The following SPATA13 variants were observed in gnomAD, a reference collection of about 807,000 sequenced individuals.
The protein encoded by SPATA13 is spermatogenesis associated 13.
SPATA13 carries 50 observed loss-of-function variants against 104.0 expected under a neutral mutation model. The observed-to-expected ratio is 0.48, with a 90% CI of 0.38 to 0.61. SPATA13 has a LOEUF of 0.61. Among genes scored for constraint, SPATA13 ranks in the 20% least tolerant of loss-of-function variants. SPATA13 has a pLI of 0.00. For synonymous variants in SPATA13, 606 were observed against 667.5 expected (o/e 0.91, Z 1.42); for missense variants, 1,524 against 1,690.6 (o/e 0.90, Z 1.73).
At chr13:24,221,752 C>T (rs910110990) in intron 1 of SPATA13, among the ~76,000 whole-genome samples, 3 of 150,090 alleles carry the variant, frequency 2.0e-5, no homozygotes, top group East Asian at 3.9e-4. Context: ...TGTCAGGGCA[C>T]GTGGGAAGAG....
intron 3 of SPATA13, among the ~76,000 whole-genome samples, chr13:24,135,164 T>C (rs892531697): frequency 1.3e-5 from 2 of 152,146 alleles, no homozygotes; most frequent in Non-Finnish European, 2.9e-5. Context: ...ATAAGCCACC[T>C]AGCTCGTGAT....
chr13:24,017,505 G>A (rs1255946157), intron 2 of SPATA13, among the ~76,000 whole-genome samples: 1 of 152,108 alleles, frequency 6.6e-6, no homozygotes, highest in Non-Finnish European at 1.5e-5. Flanking sequence ...GTTTGTATGT[G>A]TATATATGTA....
At chr13:24,029,563 A>G (rs779532716) in intron 3 of SPATA13, among the ~76,000 whole-genome samples, 1 of 152,222 alleles carries the variant, frequency 6.6e-6, no homozygotes, top group African/African-American at 2.4e-5. Context: ...TTTTAAATAT[A>G]TATTAACATA....
At chr13:24,047,153 C>T (rs1029247364) in intron 3 of SPATA13, among the ~76,000 whole-genome samples, 5 of 152,116 alleles carry the variant, frequency 3.3e-5, no homozygotes, top group East Asian at 1.9e-4. Flanking sequence ...TCATGAGTCA[C>T]GGGTCAGGTG....
At chr13:23,996,921 C>T (rs1487054142) in intron 2 of SPATA13, among the ~76,000 whole-genome samples, 3 of 152,188 alleles carry the variant, frequency 2.0e-5, no homozygotes, top group Non-Finnish European at 4.4e-5. Context: ...CACAGTGGCC[C>T]TCTCAGATCA....
At chr13:24,139,883 T>C (rs2031156) in intron 3 of SPATA13, among the ~76,000 whole-genome samples, 92,144 of 151,966 alleles carry the variant, frequency 0.61, 30,923 homozygotes, top group Middle Eastern at 0.78. Context: ...CTGCCTAACA[T>C]GGTGAAACCC....
intron 3 of SPATA13, among the ~76,000 whole-genome samples, chr13:24,109,467 A>G (rs1221522525): frequency 2.0e-5 from 3 of 152,178 alleles, no homozygotes; most frequent in Non-Finnish European, 4.4e-5. Context: ...CTTTGGGTAT[A>G]TACCCAGTAA....
chr13:23,982,286 G>A (rs1216569902), intron 1 of SPATA13, among the ~76,000 whole-genome samples: 2 of 152,138 alleles, frequency 1.3e-5, no homozygotes, highest in Non-Finnish European at 2.9e-5. Context: ...ACTTTGCTAT[G>A]CATTTTCCAC....
Position 24,287,041 on chromosome 13 carries a change from C to A in SPATA13, c.2667+91C>A, listed in dbSNP as rs369603488. On this transcript the variant is annotated intron_variant, in intron 7 of 12. Transcript: ENST00000382108. The stretch of plus-strand genomic sequence containing the variant: ...TCTCCCCACCTCCACCCCCCGCCCC[C>A]CCATCAGGCTCCCACATGTATGCTC... 1,368 of 1,115,144 alleles carry A rather than the reference C, an allele frequency of 1.2e-3. 4 individuals are homozygous for A. Among genetic ancestry groups the A allele is most frequent in the Non-Finnish European group, 1.5e-3 (1,173 of 783,382 alleles). The allele number at this position is 1,115,144 out of a possible 1,614,324, so 69.1% of individuals were successfully genotyped here.
intron 4 of SPATA13, among the ~76,000 whole-genome samples, chr13:24,260,478 C>A (rs1273715295): frequency 6.6e-6 from 1 of 152,164 alleles, no homozygotes; most frequent in African/African-American, 2.4e-5. Flanking sequence ...AAGAGCATGA[C>A]CCCACCAAGC....
rs140430595 is a variant in SPATA13 at position 24,052,657 on chromosome 13, T to A, written c.-112+34956T>A. Among the ~76,000 whole-genome samples, 535 of 151,536 alleles carry A rather than the reference T, an allele frequency of 3.5e-3. 4 individuals are homozygous for A. The highest frequency in any genetic ancestry group is 0.012 in the African/African-American group (515 of 41,326). ...ACATGGAAAATGGAAAGGATGTGAG[T>A]TTAAGGACTCTTTGGACACAGTAGA... On this transcript the variant is annotated intron_variant, in intron 3 of 14. Transcript: ENST00000424834.
intron 2 of SPATA13, among the ~76,000 whole-genome samples, chr13:24,012,608 T>C (rs1876521890): frequency 5.3e-5 from 8 of 152,238 alleles, no homozygotes; most frequent in Admixed American, 5.2e-4. Flanking sequence ...GGTTGATCTT[T>C]TTCTGCCCTG....
chr13:24,115,493 G>A (rs1228557276), intron 3 of SPATA13, among the ~76,000 whole-genome samples: 1 of 152,262 alleles, frequency 6.6e-6, no homozygotes. Context: ...TGCGAAGGAT[G>A]TACGTTGCGT....
chr13:24,085,521 G>C (rs746705834), intron 3 of SPATA13, among the ~76,000 whole-genome samples: 1 of 152,184 alleles, frequency 6.6e-6, no homozygotes, highest in Non-Finnish European at 1.5e-5. Context: ...ACAGCTGCAG[G>C]AACTGGGGTG....
intron 3 of SPATA13, among the ~76,000 whole-genome samples, chr13:24,047,083 T>C (rs988173320): frequency 6.6e-6 from 1 of 152,078 alleles, no homozygotes; most frequent in East Asian, 1.9e-4. Flanking sequence ...TGTAGGGGTG[T>C]GGAAAATGGT....
At chr13:24,126,168 C>G (rs769118111) in intron 3 of SPATA13, among the ~76,000 whole-genome samples, 2 of 152,206 alleles carry the variant, frequency 1.3e-5, no homozygotes, top group Non-Finnish European at 2.9e-5. Flanking sequence ...TCTGCCCTCA[C>G]TTGCTACAGG....
rs1338296901 is a variant in SPATA13 at position 24,223,445 on chromosome 13, C to T, written c.516C>T (p.Ala172=). ...SPLAPGPACG[A]LRPAEWGTLD... Reference sequence around the variant, plus strand: ...TAGCACCGGGACCAGCATGTGGTGCCCTCAGGCCAGCAGAGTGGGGCACAT... The same window carrying T: ...TAGCACCGGGACCAGCATGTGGTGCTCTCAGGCCAGCAGAGTGGGGCACAT... Residue 172 remains alanine, a synonymous_variant, in exon 2 of 13, where the codon GCC becomes GCT. Transcript: ENST00000382108. 1 of 1,550,694 alleles carries T rather than the reference C, an allele frequency of 6.4e-7. No homozygotes were observed. Among genetic ancestry groups the T allele is most frequent in the Non-Finnish European group, 8.7e-7 (1 of 1,146,996 alleles).
chr13:24,024,494 G>A (rs1197113276), intron 3 of SPATA13, among the ~76,000 whole-genome samples: 1 of 152,016 alleles, frequency 6.6e-6, no homozygotes, highest in Non-Finnish European at 1.5e-5. Context: ...GAAGAAAGGA[G>A]AGTGCTATCT....
intron 3 of SPATA13, among the ~76,000 whole-genome samples, chr13:24,081,865 C>T (rs887427652): frequency 2.6e-5 from 4 of 152,344 alleles, no homozygotes; most frequent in East Asian, 1.9e-4. Context: ...TCACTTTCCA[C>T]GCCCACAGAC....
Sources: allele counts gnomAD v4.1 joint callset (sites outside exome capture counted in the v4.1 genomes callset), GRCh38; gene constraint gnomAD v4.1.1; transcripts MANE v1.5; gene names NCBI Gene and HGNC (gene_info 2026-07-23, HGNC 2026-07-21).